Variants in PIP4P2 observed in about 807,000 individuals in gnomAD.
PIP4P2 encodes the protein type 2 phosphatidylinositol 4,5-bisphosphate 4-phosphatase.
A neutral mutation model predicts 33.3 loss-of-function variants in PIP4P2; 19 were observed. That is an observed-to-expected ratio of 0.57 (90% CI 0.40 to 0.84). The LOEUF (loss-of-function observed/expected upper bound fraction) is 0.84. PIP4P2 is among the 40% of genes least tolerant of loss of function. PIP4P2 has a pLI of 0.00. For synonymous variants in PIP4P2, 110 were observed against 111.9 expected, an observed-to-expected ratio of 0.98 and a Z score of 0.11; for missense variants, 270 against 324.7, an observed-to-expected ratio of 0.83 and a Z score of 1.29.
chr8:91,026,726 A>T (rs1812088218), intron 1 of PIP4P2, among the ~76,000 whole-genome samples: 1 of 152,204 alleles, frequency 6.6e-6, no homozygotes, highest in African/African-American at 2.4e-5. Flanking sequence ...AAGTGATCTC[A>T]GGAAACAATT....
At chr8:91,007,868 A>G (rs112774322) in intron 5 of PIP4P2, among the ~76,000 whole-genome samples, 14 of 152,318 alleles carry the variant, frequency 9.2e-5, no homozygotes, top group African/African-American at 2.4e-4. Flanking sequence ...GGTGTGTGCT[A>G]GGTAGGATGT....
intron 5 of PIP4P2, 56 bp downstream of exon 5, chr8:91,008,686 CT>C (rs1811792032): frequency 1.3e-6 from 2 of 1,515,100 alleles, no homozygotes; most frequent in Admixed American, 3.4e-5. Flanking sequence ...AAATTCTGAA[CT>C]CTTCAAATTT....
chr8:91,020,108 T>C (rs1563566310), intron 3 of PIP4P2, 49 bp downstream of exon 3: 1 of 1,583,852 alleles, frequency 6.3e-7, no homozygotes, highest in Non-Finnish European at 8.7e-7. Context: ...AGTAAATACT[T>C]GTTGAATGAA....
chr8:91,000,945 C>T (rs906576210), intron 5 of PIP4P2, among the ~76,000 whole-genome samples: 18 of 152,140 alleles, frequency 1.2e-4, no homozygotes, highest in African/African-American at 3.9e-4. Flanking sequence ...AATTCACTTA[C>T]CTCTATCTTC....
chr8:91,031,826 G>A (rs1419869503), intron 1 of PIP4P2, among the ~76,000 whole-genome samples: 5 of 152,206 alleles, frequency 3.3e-5, no homozygotes, highest in Non-Finnish European at 7.3e-5. Context: ...AGTGAGATAA[G>A]AAAGGATAAC....
chr8:91,029,838 G>T (rs539968935), intron 1 of PIP4P2, among the ~76,000 whole-genome samples: 122 of 152,142 alleles, frequency 8.0e-4, no homozygotes, highest in Non-Finnish European at 1.4e-3. Flanking sequence ...GTGGTGGCGG[G>T]CGCCTGTAGT....
chr8:91,030,123 C>T (rs1481439220), intron 1 of PIP4P2, among the ~76,000 whole-genome samples: 1 of 151,184 alleles, frequency 6.6e-6, no homozygotes, highest in Non-Finnish European at 1.5e-5. Context: ...TTTAAGAATC[C>T]CTTTCCTACT....
In PIP4P2 at chr8:91,008,771, G is replaced by A. The variant is rs753073054; in HGVS notation, c.511C>T (p.Leu171=). 6.2e-7 allele frequency: 1 copy of A among 1,609,796 alleles called. No homozygotes were observed. Among genetic ancestry groups the A allele is most frequent in the Non-Finnish European group, 8.5e-7 (1 of 1,176,960 alleles). ...FLWMELRFNT[L]AKCPHCKKIS... Reference sequence around the variant, plus strand: ...TTTTTGCAGTGTGGGCATTTTGCCAGAGTGTTGAACCTCAGTTCCATCCAC... The same window carrying A: ...TTTTTGCAGTGTGGGCATTTTGCCAAAGTGTTGAACCTCAGTTCCATCCAC... Residue 171 remains leucine, a synonymous_variant, in exon 5 of 7, where the codon CTG becomes TTG. Coordinates refer to ENST00000285419, the MANE Select transcript of PIP4P2 (RefSeq NM_018710.3).
At chr8:91,009,017 C>T (rs890710604) in intron 4 of PIP4P2, among the ~76,000 whole-genome samples, 25 of 152,150 alleles carry the variant, frequency 1.6e-4, no homozygotes, top group Middle Eastern at 3.4e-3. Context: ...AATGCTCTGA[C>T]GCAATCTAGG....
At chr8:91,002,684 G>C (rs1305169883) in intron 5 of PIP4P2, among the ~76,000 whole-genome samples, 1 of 152,160 alleles carries the variant, frequency 6.6e-6, no homozygotes, top group Non-Finnish European at 1.5e-5. Context: ...ATAAGCAGCA[G>C]AATAACCTTT....
intron 5 of PIP4P2, among the ~76,000 whole-genome samples, chr8:91,000,004 C>T (rs1811680618): frequency 6.6e-6 from 1 of 151,924 alleles, no homozygotes; most frequent in Non-Finnish European, 1.5e-5. Context: ...TTGACCATGA[C>T]TCTTTCATTT....
chr8:91,033,792 A>AT (rs1812200987), intron 1 of PIP4P2, among the ~76,000 whole-genome samples: 1 of 151,804 alleles, frequency 6.6e-6, no homozygotes, highest in Non-Finnish European at 1.5e-5. Flanking sequence ...TTATTTATTT[A>AT]TTTTTGAGAC....
rs145269412 is a variant in PIP4P2 at position 91,036,353 on chromosome 8, A to G, written c.106+4291T>C. On this transcript the variant is annotated intron_variant, in intron 1 of 6. Coordinates refer to ENST00000285419, the MANE Select transcript of PIP4P2 (RefSeq NM_018710.3). ...AAAGCATCTGAAATACATCATGTCTAAAACTAAGTTCATTATCCGTGTTCC... is the reference window on the plus strand; with the variant it reads ...AAAGCATCTGAAATACATCATGTCTGAAACTAAGTTCATTATCCGTGTTCC... Among the ~76,000 whole-genome samples, 184 of 152,280 alleles carry G rather than the reference A, an allele frequency of 1.2e-3. 1 individual carries two copies. Among genetic ancestry groups the G allele is most frequent in the African/African-American group, 4.4e-3 (182 of 41,558 alleles).
Position 91,021,548 on chromosome 8 carries a change from T to TA in PIP4P2, c.107-145dup, listed in dbSNP as rs573788901. On this transcript the variant is annotated intron_variant, in intron 1 of 6. Transcript: ENST00000285419. ...TTTTTCAAAGCTAGCCAATTTATCTTACTTTTAGAGCACAAACATCCATGA... is the reference window on the plus strand; with the variant it reads ...TTTTTCAAAGCTAGCCAATTTATCTTAACTTTTAGAGCACAAACATCCATGA... 2.1e-4 allele frequency: 186 copies of TA among 897,828 alleles called. 3 individuals carry two copies. In the South Asian group the frequency reaches 3.6e-3, roughly 18 times the overall value. 55.6% of individuals were successfully genotyped at this position (897,828 alleles called of 1,614,324 possible). A position where few individuals can be genotyped will look rare whatever the true frequency, so the allele number is the denominator to read the frequency against.
At chr8:91,009,051 G>T (rs778623852) in intron 4 of PIP4P2, among the ~76,000 whole-genome samples, 1 of 152,068 alleles carries the variant, frequency 6.6e-6, no homozygotes, top group Non-Finnish European at 1.5e-5. Context: ...AATACTGAAT[G>T]TAATACCATA....
At position 91,020,215 on chromosome 8, in the gene PIP4P2, T is replaced by G; in HGVS notation, c.304A>C (p.Asn102His). Residue 102 changes from asparagine to histidine, a missense_variant, in exon 3 of 7, where the codon AAT becomes CAT. By Grantham distance (68) the Asn-to-His change is moderately conservative. Transcript: ENST00000285419. ...TGKKYVRCPC[N>H]CLLICKDTSR... ...GTGTCCTTACAAATGAGAAGACAAT[T>G]ACAAGGGCATCTAACATATTTCTTG... 1 of 1,613,828 alleles carries G rather than the reference T, an allele frequency of 6.2e-7. No individual in the cohort carries two copies. The highest frequency in any genetic ancestry group is 1.1e-5 in the South Asian group (1 of 91,074).
chr8:91,007,587 T>A (rs577795956), intron 5 of PIP4P2, among the ~76,000 whole-genome samples: 1 of 152,304 alleles, frequency 6.6e-6, no homozygotes, highest in Non-Finnish European at 1.5e-5. Context: ...TTCACATACA[T>A]AAGAGGATAA....
At chr8:91,001,619 T>C (rs569863820) in intron 5 of PIP4P2, among the ~76,000 whole-genome samples, 1 of 152,204 alleles carries the variant, frequency 6.6e-6, no homozygotes. Context: ...TTAAATAGTC[T>C]TACATGTTTT....
intron 4 of PIP4P2, among the ~76,000 whole-genome samples, chr8:91,011,760 A>G (rs940050545): frequency 5.3e-5 from 8 of 151,988 alleles, no homozygotes; most frequent in Non-Finnish European, 8.8e-5. Context: ...TGTGGTATGA[A>G]TAGTGTAAAT....
Sources: allele counts gnomAD v4.1 joint callset (sites outside exome capture counted in the v4.1 genomes callset), GRCh38; gene constraint gnomAD v4.1.1; transcripts MANE v1.5; gene names NCBI Gene and HGNC (gene_info 2026-07-23, HGNC 2026-07-21).